ACACB: variants seen among roughly 807,000 people sequenced by gnomAD.
The protein encoded by ACACB is acetyl-CoA carboxylase 2.
Under a neutral mutation model 278.8 loss-of-function variants are expected in ACACB, and 209 were observed. That is an observed-to-expected ratio of 0.75 (90% CI 0.67 to 0.84). The LOEUF is 0.84. Among genes scored for constraint, ACACB ranks in the 40% least tolerant of loss-of-function variants. ACACB has a pLI of 0.00. For synonymous variants in ACACB, 1,174 were observed against 1,285.6 expected, an observed-to-expected ratio of 0.91 and a Z score of 1.86; for missense variants, 2,850 against 3,269.0, an observed-to-expected ratio of 0.87 and a Z score of 3.13.
At chr12:109,201,473 C>G (rs1049138713) in intron 18 of ACACB, 94 bp from the exon 19 acceptor site, 6 of 1,472,260 alleles carry the variant, frequency 4.1e-6, no homozygotes, top group Non-Finnish European at 5.6e-6. Context: ...TGGGTAGTGT[C>G]CCGGCGCGTC....
intron 1 of ACACB, among the ~76,000 whole-genome samples, chr12:109,117,428 T>C (rs2042433986): frequency 6.6e-6 from 1 of 151,844 alleles, no homozygotes; most frequent in Admixed American, 6.6e-5. Flanking sequence ...AGTGGTCCTA[T>C]ATCCTATATT....
chr12:109,159,468 T>TAGGTCC (rs1477837825), intron 2 of ACACB, among the ~76,000 whole-genome samples: 1 of 152,204 alleles, frequency 6.6e-6, no homozygotes, highest in Non-Finnish European at 1.5e-5. Context: ...TTACTTTGGC[T>TAGGTCC]AGGTCCAGGG....
intron 1 of ACACB, among the ~76,000 whole-genome samples, chr12:109,129,648 A>T (rs1322255731): frequency 6.6e-6 from 1 of 152,238 alleles, no homozygotes; most frequent in Non-Finnish European, 1.5e-5. Context: ...CATGCTGCTG[A>T]AAGCCCAGAG....
In ACACB at chr12:109,180,027, G is replaced by A. The variant is rs747771662; in HGVS notation, c.1758G>A (p.Gln586=). 1.1e-5 allele frequency: 18 copies of A among 1,613,306 alleles called. No individual in the cohort carries two copies. In the East Asian group the frequency reaches 2.9e-4, roughly 26 times the overall value. ...TCTTGGAGCTGAATCCTCGCTTGCA[G>A]GTGGAACATCCCTGCACAGAAATGA... ...FHFLELNPRL[Q]VEHPCTEMIA... is the part of the protein sequence containing the mutation. Residue 586 remains glutamine, a synonymous_variant, in exon 11 of 53, where the codon CAG becomes CAA. Transcript: ENST00000338432.
rs12579592 is a variant in ACACB at position 109,262,764 on chromosome 12, C to T, written c.6787+295C>T. ...GCCTGAGTAGCTGGGACTACAAGTA[C>T]GCAACACCATGCCTAGCTAATTTTT... is the stretch of plus-strand genomic sequence containing the variant. On this transcript the variant is annotated intron_variant, in intron 49 of 52. Coordinates refer to ENST00000338432, the MANE Select transcript of ACACB (RefSeq NM_001093.4). Among the ~76,000 whole-genome samples, 363 of 151,404 alleles carry T rather than the reference C, an allele frequency of 2.4e-3. 8 individuals carry two copies. In the East Asian group the frequency reaches 0.058, roughly 24 times the overall value.
chr12:109,156,328 G>C (rs912655784), intron 2 of ACACB, among the ~76,000 whole-genome samples: 1 of 152,002 alleles, frequency 6.6e-6, no homozygotes, highest in African/African-American at 2.4e-5. Context: ...TCGGGAGTTC[G>C]AGACCAGCTT....
chr12:109,166,728 C>T (rs1394510373), intron 2 of ACACB, 133 bp from the exon 3 acceptor site: 1 of 939,898 alleles, frequency 1.1e-6, no homozygotes, highest in Non-Finnish European at 1.5e-6. Flanking sequence ...TTCAGGGGCT[C>T]TGGAGAGCAA....
At chr12:109,210,278 C>CATAT in intron 21 of ACACB, among the ~76,000 whole-genome samples, 1 of 57,874 alleles carries the variant, frequency 1.7e-5, no homozygotes, top group East Asian at 6.8e-4. Flanking sequence ...TACATATACA[C>CATAT]ACACATATCT....
intron 20 of ACACB, 119 bp from the exon 21 acceptor site, chr12:109,209,046 C>A: frequency 8.5e-7 from 1 of 1,175,192 alleles, no homozygotes; most frequent in Non-Finnish European, 1.2e-6. Flanking sequence ...GGGTCTGGAT[C>A]TTCAGCCACT....
At chr12:109,155,047 C>G (rs34770418) in intron 2 of ACACB, 23,600 of 152,724 alleles carry the variant, frequency 0.15, 2,142 homozygotes, top group East Asian at 0.24. Context: ...CCCCTTTACC[C>G]CCACCCCCAT....
chr12:109,256,266 A>G, intron 45 of ACACB, 30 bp downstream of exon 45: 1 of 1,593,160 alleles, frequency 6.3e-7, no homozygotes, highest in Non-Finnish European at 8.6e-7. Flanking sequence ...CAGGCTGCCC[A>G]TGTCTGACTC....
intron 28 of ACACB, among the ~76,000 whole-genome samples, chr12:109,232,070 C>T (rs1279248027): frequency 2.0e-5 from 3 of 152,228 alleles, no homozygotes; most frequent in Non-Finnish European, 4.4e-5. Flanking sequence ...CAGTGTGGGG[C>T]CTGCTGTGCT....
At chr12:109,243,749 G>C (rs1408864734) in intron 37 of ACACB, among the ~76,000 whole-genome samples, 1 of 151,892 alleles carries the variant, frequency 6.6e-6, no homozygotes, top group Non-Finnish European at 1.5e-5. Context: ...AGAACATTTG[G>C]GTGCATTTTC....
At chr12:109,163,062 T>C (rs1041086887) in intron 2 of ACACB, among the ~76,000 whole-genome samples, 14 of 152,188 alleles carry the variant, frequency 9.2e-5, no homozygotes, top group Admixed American at 8.5e-4. Context: ...TAGGGGGGAT[T>C]ACAGGTGCAC....
In ACACB at chr12:109,265,233, C is replaced by T; in HGVS notation, c.7066C>T (p.Gln2356Ter). The T allele has an allele frequency of 6.2e-7, 1 of 1,613,652 alleles. No individual in the cohort carries two copies. Among genetic ancestry groups the T allele is most frequent in the Non-Finnish European group, 8.5e-7 (1 of 1,180,034 alleles). Residue 2356 changes from glutamine to a stop codon, truncating the protein, a stop_gained, in exon 51 of 53, where the codon CAG (glutamine) becomes TAG (stop). Coordinates refer to ENST00000338432, the MANE Select transcript of ACACB (RefSeq NM_001093.4). LOFTEE classifies it high-confidence loss of function. ...ASGELSHVHI[Q>*]SMLRRWFVET... ...CGGGGAGCTGAGTCACGTGCATATC[C>T]AGTCCATGCTGCGTCGCTGGTTCGT...
intron 27 of ACACB, among the ~76,000 whole-genome samples, chr12:109,225,677 G>A (rs559627033): frequency 6.6e-6 from 1 of 152,344 alleles, no homozygotes; most frequent in African/African-American, 2.4e-5. Context: ...TTCCTGTTCA[G>A]TTGAAAAGCT....
At chr12:109,239,636 A>G (rs1008807747) in intron 34 of ACACB, among the ~76,000 whole-genome samples, 194 bp from the exon 35 acceptor site, 2 of 152,262 alleles carry the variant, frequency 1.3e-5, no homozygotes, top group Admixed American at 6.5e-5. Context: ...AATAGGACAC[A>G]TGTCAATACA....
At chr12:109,164,386 C>G (rs1164751585) in intron 2 of ACACB, among the ~76,000 whole-genome samples, 2 of 152,108 alleles carry the variant, frequency 1.3e-5, no homozygotes, top group Non-Finnish European at 2.9e-5. Context: ...GTGCACAACT[C>G]TGTGTCTGGA....
intron 7 of ACACB, 37 bp from the exon 8 acceptor site, chr12:109,175,894 G>C: frequency 6.3e-7 from 1 of 1,586,512 alleles, no homozygotes. Flanking sequence ...GTTTCTCCTG[G>C]ATTTGGGAGG....
Sources: allele counts gnomAD v4.1 joint callset (sites outside exome capture counted in the v4.1 genomes callset), GRCh38; gene constraint gnomAD v4.1.1; transcripts MANE v1.5; gene names NCBI Gene and HGNC (gene_info 2026-07-23, HGNC 2026-07-21).